Variants in MET observed in about 807,000 individuals in gnomAD.
The protein encoded by MET is MET proto-oncogene, receptor tyrosine kinase.
Under a neutral mutation model 133.1 loss-of-function variants are expected in MET, and 48 were observed. The observed-to-expected ratio is 0.36, with a 90% confidence interval of 0.29 to 0.46. The LOEUF is 0.46. Among genes scored for constraint, MET ranks in the 20% least tolerant of loss-of-function variants. The pLI, the probability that MET is intolerant of heterozygous loss-of-function variation, is 1.00. For synonymous variants in MET, 628 were observed against 616.5 expected (o/e 1.02, Z -0.28); for missense variants, 1,442 against 1,695.9 (o/e 0.85, Z 2.63).
At chr7:116,739,430 T>C (rs1584921370) in intron 3 of MET, among the ~76,000 whole-genome samples, 2 of 152,264 alleles carry the variant, frequency 1.3e-5, no homozygotes, top group East Asian at 1.9e-4. Context: ...TCAAAGTAGC[T>C]GGGGGCCTGT....
At chr7:116,682,468 G>A (rs1796395386) in intron 1 of MET, among the ~76,000 whole-genome samples, 1 of 152,106 alleles carries the variant, frequency 6.6e-6, no homozygotes, top group Admixed American at 6.5e-5. Context: ...ATTCCTTGCA[G>A]AATTCAATAA....
intron 1 of MET, among the ~76,000 whole-genome samples, chr7:116,685,847 T>C (rs1289304740): frequency 6.6e-6 from 1 of 152,162 alleles, no homozygotes; most frequent in Non-Finnish European, 1.5e-5. Flanking sequence ...TTCTCCTTTT[T>C]TTCTCACATG....
chr7:116,769,621 CTTT>C lies in MET; in HGVS notation c.2584-11_2584-9del, dbSNP rs57349036. The C allele has an allele frequency of 9.7e-4, 1,462 of 1,506,342 alleles. No individual in the cohort carries two copies. Among genetic ancestry groups the C allele is most frequent in the Admixed American group, 2.4e-3 (136 of 56,158 alleles). The allele number at this position is 1,506,342 out of a possible 1,614,324, so 93.3% of individuals were successfully genotyped here. The stretch of plus-strand genomic sequence containing the variant: ...TGCAGAACTGTGAAGTGTTAACAAC[CTTT>C]TTTTTTTTTTTTCCTTTCAGGGAAA... On this transcript the variant is annotated intron_variant, in intron 11 of 20. Transcript: ENST00000397752.
At chr7:116,745,571 C>T (rs1317085466) in intron 5 of MET, among the ~76,000 whole-genome samples, 1 of 152,100 alleles carries the variant, frequency 6.6e-6, no homozygotes, top group Non-Finnish European at 1.5e-5. Flanking sequence ...GGTACTGGCA[C>T]CAAAACAGAG....
chr7:116,784,155 C>A (rs965065925), intron 19 of MET, among the ~76,000 whole-genome samples: 1 of 152,200 alleles, frequency 6.6e-6, no homozygotes, highest in Non-Finnish European at 1.5e-5. Context: ...AGTATAAGCA[C>A]CTGTAAAGTT....
At chr7:116,675,609 A>G (rs1021231886) in intron 1 of MET, among the ~76,000 whole-genome samples, 1 of 152,132 alleles carries the variant, frequency 6.6e-6, no homozygotes, top group African/African-American at 2.4e-5. Context: ...CAATAGCACC[A>G]TACCACCTTT....
chr7:116,697,230 T>C (rs1408974200), intron 1 of MET, among the ~76,000 whole-genome samples: 1 of 152,196 alleles, frequency 6.6e-6, no homozygotes, highest in Non-Finnish European at 1.5e-5. Context: ...TTGCACTGTG[T>C]TTGATATATT....
intron 5 of MET, among the ~76,000 whole-genome samples, chr7:116,753,900 C>T (rs1243671557): frequency 6.6e-6 from 1 of 152,082 alleles, no homozygotes; most frequent in African/African-American, 2.4e-5. Context: ...TTGTTAGTGC[C>T]TGGTGCATAG....
rs2116835345 is a variant in MET, at chr7:116,740,911, C to T, written c.1587C>T (p.Cys529=). Residue 529 remains cysteine (C), a synonymous_variant, in exon 5 of 21, where the codon TGC becomes TGT. Coordinates refer to ENST00000397752, the MANE Select transcript of MET (RefSeq NM_000245.4). The part of the protein sequence containing the change: ...GCRHFQSCSQ[C]LSAPPFVQCG... ...GACATTTCCAGTCCTGCAGTCAATG[C>T]CTCTCTGCCCCACCCTTTGTTCAGT... The T allele has an allele frequency of 6.2e-7, 1 of 1,614,194 alleles. No individual in the cohort carries two copies. Among genetic ancestry groups the T allele is most frequent in the South Asian group, 1.1e-5 (1 of 91,084 alleles).
chr7:116,767,123 C>A (rs1441592074), intron 11 of MET, among the ~76,000 whole-genome samples: 1 of 152,162 alleles, frequency 6.6e-6, no homozygotes, highest in Non-Finnish European at 1.5e-5. Flanking sequence ...CTGACTTGCC[C>A]AGACCCAGCC....
At chr7:116,674,835 C>CT (rs1221158616) in intron 1 of MET, among the ~76,000 whole-genome samples, 2 of 152,218 alleles carry the variant, frequency 1.3e-5, no homozygotes, top group Admixed American at 1.3e-4. Flanking sequence ...AGGCATTAGG[C>CT]TTAGTGATTC....
intron 5 of MET, among the ~76,000 whole-genome samples, chr7:116,751,587 A>G (rs1020549305): frequency 6.6e-6 from 1 of 152,216 alleles, no homozygotes; most frequent in Non-Finnish European, 1.5e-5. Context: ...CATGATGTTC[A>G]GTGGCTAAAA....
At chr7:116,730,698 A>G (rs1261169204) in intron 2 of MET, among the ~76,000 whole-genome samples, 1 of 152,110 alleles carries the variant, frequency 6.6e-6, no homozygotes, top group Admixed American at 6.5e-5. Context: ...GGAATTGGAG[A>G]TGACACTTAG....
intron 2 of MET, among the ~76,000 whole-genome samples, chr7:116,706,097 G>A (rs1791780915): frequency 6.6e-6 from 1 of 152,106 alleles, no homozygotes; most frequent in Admixed American, 6.6e-5. Flanking sequence ...CTAATAGCAA[G>A]AGAACACAGT....
chr7:116,751,427 C>CG (rs1239285418), intron 5 of MET, among the ~76,000 whole-genome samples: 1 of 151,796 alleles, frequency 6.6e-6, no homozygotes, highest in Non-Finnish European at 1.5e-5. Context: ...TGTCGGGTGG[C>CG]GGGGGTCTAG....
Position 116,783,318 on chromosome 7 carries a change from T to A in MET, c.3647T>A (p.Phe1216Tyr), listed in dbSNP as rs2117065438. 6.2e-7 allele frequency: 1 copy of A among 1,614,118 alleles called. No individual in the cohort carries two copies. The highest frequency in any genetic ancestry group is 8.5e-7 in the Non-Finnish European group (1 of 1,180,002). ...AARNCMLDEK[F>Y]TVKVADFGLA... ...CCTTTCTGTAGGCTGGATGAAAAAT[T>A]CACAGTCAAGGTTGCTGATTTTGGT... The change falls in exon 19 of 21, where the codon TTC becomes TAC. Residue 1216 changes from phenylalanine to tyrosine, a missense_variant. By Grantham distance (22) the Phe-to-Tyr change is conservative. This residue lies in a region of MET where 38 missense variants were observed against 40.6 expected (regional missense o/e 0.94). Transcript: ENST00000397752.
Position 116,721,037 on chromosome 7 carries a change from A to T in MET, c.1201-10631A>T, listed in dbSNP as rs201348724. 8.9e-4 allele frequency among the ~76,000 whole-genome samples: 135 copies of T among 151,924 alleles called. 2 individuals carry two copies. In the East Asian group the frequency reaches 0.016, roughly 18 times the overall value. On this transcript the variant is annotated intron_variant, in intron 2 of 20. Transcript: ENST00000397752. ...GGGAGGATTCTCTCTTTTTCTATTGATTGGAATAGTTTCAGAAGGAATGGT... is the reference window on the plus strand; with the variant it reads ...GGGAGGATTCTCTCTTTTTCTATTGTTTGGAATAGTTTCAGAAGGAATGGT...
At chr7:116,697,540 T>C (rs1482024699) in intron 1 of MET, among the ~76,000 whole-genome samples, 3 of 152,184 alleles carry the variant, frequency 2.0e-5, no homozygotes, top group Non-Finnish European at 2.9e-5. Flanking sequence ...TGATTTGGAG[T>C]CAAAAAATTT....
At chr7:116,745,697 C>A (rs1479961269) in intron 5 of MET, among the ~76,000 whole-genome samples, 1 of 152,124 alleles carries the variant, frequency 6.6e-6, no homozygotes, top group Non-Finnish European at 1.5e-5. Flanking sequence ...CTCTATTTAA[C>A]AAATGGTGCT....
Sources: gnomAD v4.1 joint callset for allele counts (sites outside exome capture counted in the v4.1 genomes callset) on GRCh38, gnomAD v4.1.1 for gene constraint, gnomAD v4.1.1 regional missense constraint, MANE v1.5 for transcripts, NCBI Gene and HGNC (gene_info 2026-07-23, HGNC 2026-07-21) for gene names.